Variants in RNF213 observed in about 807,000 individuals in gnomAD.
RNF213 encodes ring finger protein 213.
RNF213 carries 341 observed loss-of-function variants against 514.4 expected under a neutral mutation model. The ratio of observed to expected loss-of-function variants is 0.66; its 90% CI spans 0.61 to 0.73. The LOEUF (loss-of-function observed/expected upper bound fraction) is 0.73, where lower values mean the gene tolerates loss of function less well. Ranked by LOEUF, RNF213 falls within the 30% of genes least tolerant of loss-of-function variation. RNF213 has a pLI of 0.00. For synonymous variants in RNF213, 2,655 were observed against 2,658.2 expected (o/e 1.00, Z 0.04); for missense variants, 5,767 against 6,615.6 (o/e 0.87, Z 4.45).
chr17:80,323,980 T>C (rs907628797), intron 17 of RNF213, among the ~76,000 whole-genome samples: 26 of 150,770 alleles, frequency 1.7e-4, no homozygotes, highest in Admixed American at 3.3e-4. Context: ...TGTGTGTGCG[T>C]GTGTGTGTGT....
intron 18 of RNF213, among the ~76,000 whole-genome samples, chr17:80,326,858 T>C (rs1262631782): frequency 1.3e-5 from 2 of 152,268 alleles, no homozygotes; most frequent in East Asian, 3.8e-4. Flanking sequence ...AAAGCTACTA[T>C]GTTTGTTTCT....
Position 80,306,347 on chromosome 17 carries a change from A to C in RNF213, c.2306A>C (p.His769Pro), listed in dbSNP as rs1321590400. 6.2e-7 allele frequency: 1 copy of C among 1,614,114 alleles called. No homozygotes were observed. Among genetic ancestry groups the C allele is most frequent in the Non-Finnish European group, 8.5e-7 (1 of 1,180,034 alleles). The change falls in exon 12 of 68, where the codon CAC (histidine) becomes CCC (proline). Residue 769 changes from histidine (H) to proline (P), a missense_variant. Physicochemically the swap from His to Pro is moderately conservative, Grantham distance 77. Transcript: ENST00000582970. Reference sequence around the variant, plus strand: ...TGGTTTAGTCTGCTACCTCTGAGTCACCTGGTTATGTATATGGAAAACTTC... The same window carrying C: ...TGGTTTAGTCTGCTACCTCTGAGTCCCCTGGTTATGTATATGGAAAACTTC... ...RSWFSLLPLS[H>P]LVMYMENFIE... is the part of the protein sequence containing the mutation.
rs369793176 is a variant in RNF213, at chr17:80,368,006, C to T, written c.12018C>T (p.Asp4006=). 2.5e-6 allele frequency: 4 copies of T among 1,614,126 alleles called. No individual in the cohort carries two copies. Among genetic ancestry groups the T allele is most frequent in the Non-Finnish European group, 3.4e-6 (4 of 1,180,044 alleles). The change falls in exon 44 of 68, where the codon GAC becomes GAT. Residue 4006 remains aspartate (D), a synonymous_variant. Transcript: ENST00000582970. ...CCATCTGCCTGGGAGATGCAAAGGA[C>T]CCCGTCTGTCTGCCCTGCGACCACG... ...PCSICLGDAK[D]PVCLPCDHVH...
In RNF213 at chr17:80,288,698, G is replaced by A; in HGVS notation, c.876G>A (p.Lys292=). The A allele has an allele frequency of 6.2e-7, 1 of 1,614,196 alleles. No homozygotes were observed. Among genetic ancestry groups the A allele is most frequent in the East Asian group, 2.2e-5 (1 of 44,886 alleles). The change falls in exon 5 of 68, where the codon AAG becomes AAA. Residue 292 remains lysine (K), a synonymous_variant. Coordinates refer to ENST00000582970, the MANE Select transcript of RNF213 (RefSeq NM_001256071.3). The surrounding 1 kb of genome is among the most constrained non-coding windows in gnomAD (Gnocchi z 4.9). ...VKGAGKEMKE[K]TQRMKQPPAT... ...GGGCCGGGAAGGAAATGAAAGAGAA[G>A]ACCCAGAGAATGAAACAGCCACCAG... is the stretch of plus-strand genomic sequence containing the variant.
At chr17:80,364,345 ATCTCT>A (rs2079172670) in intron 41 of RNF213, 83 bp from the exon 42 acceptor site, 1 of 1,595,676 alleles carries the variant, frequency 6.3e-7, no homozygotes, top group Admixed American at 1.7e-5. Flanking sequence ...CGGGTCCCGC[ATCTCT>A]TCTCCCGTCT....
intron 11 of RNF213, 54 bp downstream of exon 11, chr17:80,298,572 A>G (rs2045050534): frequency 1.9e-6 from 3 of 1,598,690 alleles, no homozygotes; most frequent in African/African-American, 1.3e-5. Context: ...TGACTCCTAC[A>G]TTGTGCACCC....
rs754009032 is a variant in RNF213, at chr17:80,371,965, C to T, written c.12517C>T (p.Leu4173Phe). The T allele has an allele frequency of 5.7e-6, 9 of 1,586,286 alleles. No individual in the cohort carries two copies. The South Asian group carries it at 7.7e-5, about 14-fold the overall frequency. Residue 4173 changes from leucine to phenylalanine, a missense_variant, in exon 47 of 68, where the codon CTC becomes TTC. Coordinates refer to ENST00000582970, the MANE Select transcript of RNF213 (RefSeq NM_001256071.3). The part of the protein sequence containing the change: ...ITEDKTELYM[L>F]FINCLEDSIL... ...TGAAGATAAAACTGAACTGTACATG[C>T]TCTTCATCAACTGCCTGGAGGTAAG...
rs2144600427 is a variant in RNF213, at chr17:80,381,649, A to G, written c.13900A>G (p.Ser4634Gly). 2.5e-6 allele frequency: 4 copies of G among 1,614,252 alleles called. No homozygotes were observed. The highest frequency in any genetic ancestry group is 8.5e-7 in the Non-Finnish European group (1 of 1,180,036). ...LEQLAKMLGH[S>G]ADETIGVVHL... ...GCAGTTGGCCAAGATGCTGGGACAC[A>G]GTGCCGACGAGACCATCGGCGTGGT... Residue 4634 changes from serine (S) to glycine (G), a missense_variant, in exon 57 of 68, where the codon AGT (serine) becomes GGT (glycine). Ser to Gly is a moderately conservative substitution (Grantham distance 56, BLOSUM62 0). This residue lies in a region of RNF213 where 1,245 missense variants were observed against 1,339.0 expected (regional missense o/e 0.93). Coordinates refer to ENST00000582970, the MANE Select transcript of RNF213 (RefSeq NM_001256071.3).
chr17:80,266,052 G>A (rs1421814686), intron 2 of RNF213, among the ~76,000 whole-genome samples: 7 of 152,132 alleles, frequency 4.6e-5, no homozygotes, highest in Non-Finnish European at 8.8e-5. Context: ...TTAGTAGTGT[G>A]GGCCCACTAG....
chr17:80,310,074 G>A (rs1439100852), intron 14 of RNF213, among the ~76,000 whole-genome samples: 1 of 151,886 alleles, frequency 6.6e-6, no homozygotes, highest in Non-Finnish European at 1.5e-5. Flanking sequence ...AGTTTTACCT[G>A]TCTTCCAGCT....
intron 36 of RNF213, chr17:80,355,113 C>T (rs577506214): frequency 1.8e-5 from 8 of 437,476 alleles, no homozygotes; most frequent in Non-Finnish European, 3.7e-5. Context: ...GACAGAGGGT[C>T]TCTTTAAGAC....
In RNF213 at chr17:80,358,381, G is replaced by A. The variant is rs1358630099; in HGVS notation, c.10956G>A (p.Leu3652=). 8.1e-6 allele frequency: 13 copies of A among 1,614,038 alleles called. No individual in the cohort carries two copies. Among genetic ancestry groups the A allele is most frequent in the Non-Finnish European group, 1.1e-5 (13 of 1,180,038 alleles). The change falls in exon 37 of 68, where the codon CTG becomes CTA. Residue 3652 remains leucine, a synonymous_variant. Transcript: ENST00000582970. ...FIDRDGNLEL[L]TRPDTPPWAR... ...ACAGAGACGGCAACCTAGAGTTACT[G>A]ACCAGGCCAGATACTCCGCCCTGGG...
intron 56 of RNF213, 26 bp downstream of exon 56, chr17:80,381,013 G>T: frequency 6.2e-7 from 1 of 1,613,740 alleles, no homozygotes; most frequent in Non-Finnish European, 8.5e-7. Flanking sequence ...GCCAAACAAT[G>T]GGCTCAGTTA....
intron 8 of RNF213, among the ~76,000 whole-genome samples, chr17:80,293,845 A>G (rs9319624): frequency 0.41 from 61,310 of 150,700 alleles, 13,363 homozygotes; most frequent in African/African-American, 0.57. Flanking sequence ...AAAACATGTG[A>G]TAGGGGATTT....
At position 80,385,260 on chromosome 17, in the gene RNF213, G is replaced by A. The variant is rs901816081; in HGVS notation, c.14455+89G>A. 5 of 1,525,702 alleles carry A rather than the reference G, an allele frequency of 3.3e-6. No individual in the cohort carries two copies. In the African/African-American group the frequency reaches 4.1e-5, roughly 13 times the overall value. The allele number at this position is 1,525,702 out of a possible 1,614,324, so 94.5% of individuals were successfully genotyped here. A position where few individuals can be genotyped will look rare whatever the true frequency, so the allele number is the denominator to read the frequency against. The stretch of plus-strand genomic sequence containing the variant: ...ATAGGGGAACAGGGTGGGGCGGAGG[G>A]GAGGAGGCGCTGATGGGTGCTCTAT... On this transcript the variant is annotated intron_variant, in intron 60 of 67. Coordinates refer to ENST00000582970, the MANE Select transcript of RNF213 (RefSeq NM_001256071.3).
chr17:80,369,044 G>A (rs2144477927), intron 44 of RNF213, among the ~76,000 whole-genome samples: 1 of 152,284 alleles, frequency 6.6e-6, no homozygotes, highest in Non-Finnish European at 1.5e-5. Flanking sequence ...AATATCATCT[G>A]CTGAGGTTTT....
chr17:80,392,093 C>T (rs566946151), intron 67 of RNF213, among the ~76,000 whole-genome samples: 9 of 152,216 alleles, frequency 5.9e-5, no homozygotes, highest in Non-Finnish European at 1.0e-4. Flanking sequence ...TGTGCTTTCA[C>T]ATACTTGTTT....
chr17:80,383,713 A>T lies in RNF213; in HGVS notation c.14107A>T (p.Ile4703Phe). The change falls in exon 59 of 68, where the codon ATC becomes TTC. Residue 4703 changes from isoleucine to phenylalanine, a missense_variant. Physicochemically the swap from Ile to Phe is conservative, Grantham distance 21. Transcript: ENST00000582970. ...AACCCTTCCCACCATGAATAATCTC[A>T]TCAGCCAAGATAAGCGTATCAGCTC... is the stretch of plus-strand genomic sequence containing the variant. ...DKTLPTMNNL[I>F]SQDKRISSNP... 1 of 1,606,588 alleles carries T rather than the reference A, an allele frequency of 6.2e-7. No homozygotes were observed. The highest frequency in any genetic ancestry group is 8.5e-7 in the Non-Finnish European group (1 of 1,173,310).
At chr17:80,372,356 T>G (rs1290454927) in intron 47 of RNF213, among the ~76,000 whole-genome samples, 165 bp from the exon 48 acceptor site, 1 of 152,144 alleles carries the variant, frequency 6.6e-6, no homozygotes, top group Non-Finnish European at 1.5e-5. Flanking sequence ...GTCCTTAAAA[T>G]AAAAAGGAAT....
Sources: gnomAD v4.1 joint callset for allele counts (sites outside exome capture counted in the v4.1 genomes callset) on GRCh38, gnomAD v4.1.1 for gene constraint, gnomAD v4.1.1 regional missense constraint, Gnocchi (gnomAD v3.1) non-coding constraint, MANE v1.5 for transcripts, NCBI Gene and HGNC (gene_info 2026-07-23, HGNC 2026-07-21) for gene names.